The following PRIM1 variants were observed in gnomAD, a reference collection of about 807,000 sequenced individuals.
PRIM1 encodes the protein DNA primase small subunit.
PRIM1 carries 38 observed loss-of-function variants against 60.2 expected under a neutral mutation model. The observed-to-expected ratio is 0.63, with a 90% CI of 0.49 to 0.83. PRIM1 has a LOEUF of 0.83. Among genes scored for constraint, PRIM1 ranks in the 40% least tolerant of loss-of-function variants. PRIM1 has a pLI of 0.00. For missense variants in PRIM1, 388 were observed against 506.2 expected (o/e 0.77, Z 2.24); for synonymous variants, 158 against 160.2 (o/e 0.99, Z 0.10).
intron 11 of PRIM1, among the ~76,000 whole-genome samples, chr12:56,737,832 C>T (rs926377778): frequency 1.3e-5 from 2 of 152,182 alleles, no homozygotes; most frequent in Non-Finnish European, 2.9e-5. Context: ...TCAAGCGATT[C>T]TCCTGACTCA....
Position 56,743,109 on chromosome 12 carries a change from CAAT to C in PRIM1, c.639-16_639-14del. 1 of 1,514,398 alleles carries C rather than the reference CAAT, an allele frequency of 6.6e-7. No individual in the cohort carries two copies. Among genetic ancestry groups the C allele is most frequent in the Non-Finnish European group, 8.8e-7 (1 of 1,136,024 alleles). 93.8% of individuals were successfully genotyped at this position (1,514,398 alleles called of 1,614,324 possible). On this transcript the variant is annotated splice_polypyrimidine_tract_variant and intron_variant, in intron 6 of 12. Transcript: ENST00000338193. ...GTTTATAGATTTTCTGTAAGAACAACAATAACAACAGAGTCCCAACACTATCAG... is the reference window on the plus strand; with the variant it reads ...GTTTATAGATTTTCTGTAAGAACAACAACAACAGAGTCCCAACACTATCAG...
In PRIM1 at chr12:56,751,144, T is replaced by G. The variant is rs1953952120; in HGVS notation, c.155A>C (p.Asp52Ala). The G allele has an allele frequency of 1.9e-6, 3 of 1,573,398 alleles. No individual in the cohort carries two copies. The highest frequency in any genetic ancestry group is 2.7e-5 in the African/African-American group (2 of 74,154). Residue 52 changes from aspartate to alanine, a missense_variant, in exon 2 of 13, where the codon GAT becomes GCT. Physicochemically the swap from Asp to Ala is moderately radical, Grantham distance 126. Coordinates refer to ENST00000338193, the MANE Select transcript of PRIM1 (RefSeq NM_000946.3). ...HREFSFTLKDDIYIRYQSFNN... is the reference protein window; with the variant it reads ...HREFSFTLKDAIYIRYQSFNN... ...GAAGGATTGGTAGCGAATGTAAATA[T>G]CATCTTTCAATGTGAATGAAAATTC...
intron 4 of PRIM1, chr12:56,746,508 G>A (rs1953908057): frequency 5.4e-6 from 3 of 560,102 alleles, no homozygotes; most frequent in African/African-American, 1.9e-5. Flanking sequence ...GCGTGCGCCT[G>A]TAGTCCCAGC....
chr12:56,743,927 A>G, intron 6 of PRIM1, 138 bp downstream of exon 6: 1 of 610,174 alleles, frequency 1.6e-6, no homozygotes, highest in Non-Finnish European at 2.8e-6. Context: ...ACTGCAGCAT[A>G]AAATAGGCAC....
chr12:56,752,062 GGC>G, intron 1 of PRIM1, 132 bp downstream of exon 1: 1 of 539,694 alleles, frequency 1.9e-6, no homozygotes, highest in Non-Finnish European at 3.3e-6. Context: ...TGGTGGGGCG[GGC>G]TCGAGAGAGC....
At position 56,746,850 on chromosome 12, in the gene PRIM1, C is replaced by T; in HGVS notation, c.373G>A (p.Ala125Thr). The change falls in exon 4 of 13, where the codon GCA becomes ACA. Residue 125 changes from alanine to threonine, a missense_variant. Around this residue, in one of 3 missense-constraint regions of PRIM1, gnomAD observed 156 missense variants for 175.8 expected, o/e 0.89. Coordinates refer to ENST00000338193, the MANE Select transcript of PRIM1 (RefSeq NM_000946.3). ...GTCCAGCACTTAGGACATATGTCTG[C>T]AGAACTAAAGCAGAGTCATCATTAC... ...YDDVRRCCSS[A>T]DICPKCWTLM... The T allele has an allele frequency of 1.9e-6, 3 of 1,613,872 alleles. No individual in the cohort carries two copies. Among genetic ancestry groups the T allele is most frequent in the Non-Finnish European group, 1.7e-6 (2 of 1,179,836 alleles).
chr12:56,746,492 G>A (rs564096017), intron 4 of PRIM1: 181 of 555,304 alleles, frequency 3.3e-4, no homozygotes, highest in African/African-American at 2.8e-3. Context: ...TTAACTGGGC[G>A]TGGTGGCGTG....
At chr12:56,750,797 G>A (rs1178764405) in intron 2 of PRIM1, among the ~76,000 whole-genome samples, 1 of 151,900 alleles carries the variant, frequency 6.6e-6, no homozygotes, top group Non-Finnish European at 1.5e-5. Flanking sequence ...CCTCTTCCTA[G>A]TAGCTAGATA....
chr12:56,735,244 G>A (rs1953818501), intron 11 of PRIM1, among the ~76,000 whole-genome samples: 1 of 151,886 alleles, frequency 6.6e-6, no homozygotes, highest in African/African-American at 2.4e-5. Flanking sequence ...GACTATAGGT[G>A]TGTGCCACCA....
Position 56,744,102 on chromosome 12 carries a change from T to C in PRIM1, c.601A>G (p.Lys201Glu), listed in dbSNP as rs1215606630. The change falls in exon 6 of 13, where the codon AAA (lysine) becomes GAA (glutamate). Residue 201 changes from lysine to glutamate, a missense_variant. Coordinates refer to ENST00000338193, the MANE Select transcript of PRIM1 (RefSeq NM_000946.3). ...TGAATTTTTTCACTTAGGTGAACTT[T>C]CTTTTTAACGTCTTGACCACCCTGA... is the stretch of plus-strand genomic sequence containing the variant. ...LVKGGQDVKK[K>E]VHLSEKIHPF... 9 of 1,569,248 alleles carry C rather than the reference T, an allele frequency of 5.7e-6. No homozygotes were observed. The highest frequency in any genetic ancestry group is 3.8e-5 in the Admixed American group (2 of 53,322).
intron 7 of PRIM1, chr12:56,742,081 C>A: frequency 4.3e-6 from 2 of 467,672 alleles, no homozygotes; most frequent in South Asian, 2.1e-5. Context: ...GGTGAAACCC[C>A]ATCTCTACTA....
intron 12 of PRIM1, 85 bp from the exon 13 acceptor site, chr12:56,731,819 G>T: frequency 8.9e-7 from 1 of 1,125,046 alleles, no homozygotes. Flanking sequence ...TTTGCCTAAT[G>T]CTTCTATTTA....
At chr12:56,744,199 A>G (rs766902010) in intron 5 of PRIM1, 76 bp from the exon 6 acceptor site, 2 of 1,127,358 alleles carry the variant, frequency 1.8e-6, no homozygotes, top group Non-Finnish European at 2.6e-6. Flanking sequence ...ACGACATTTT[A>G]GTCATGATGG....
At chr12:56,736,088 G>A (rs1451544234) in intron 11 of PRIM1, among the ~76,000 whole-genome samples, 8 of 151,074 alleles carry the variant, frequency 5.3e-5, no homozygotes, top group African/African-American at 1.7e-4. Flanking sequence ...ACGTGAGGTC[G>A]TGAGTTCGAG....
intron 11 of PRIM1, among the ~76,000 whole-genome samples, chr12:56,737,524 T>G (rs1026815011): frequency 6.6e-6 from 1 of 151,594 alleles, no homozygotes; most frequent in Non-Finnish European, 1.5e-5. Context: ...TAATTCTGTA[T>G]TTTTAGGATA....
chr12:56,744,554 C>T (rs944885157), intron 5 of PRIM1, among the ~76,000 whole-genome samples: 10 of 151,732 alleles, frequency 6.6e-5, no homozygotes, highest in Non-Finnish European at 1.3e-4. Flanking sequence ...TTTACTGTGA[C>T]TTTTCTATGT....
At chr12:56,747,650 G>A (rs2137867932) in intron 2 of PRIM1, among the ~76,000 whole-genome samples, 1 of 152,320 alleles carries the variant, frequency 6.6e-6, no homozygotes, top group East Asian at 1.9e-4. Context: ...GGAAGCTGAA[G>A]CAGGAGTATC....
chr12:56,751,245 C>A, intron 1 of PRIM1, 50 bp from the exon 2 acceptor site: 1 of 1,330,564 alleles, frequency 7.5e-7, no homozygotes, highest in Non-Finnish European at 1.0e-6. Flanking sequence ...TTATTTGGCT[C>A]AGGGCATTAT....
In PRIM1 at chr12:56,745,201, T is replaced by C. The variant is rs1485224334; in HGVS notation, c.579+844A>G. Reference sequence around the variant, plus strand: ...CTGAAGTGGGAGGATAGTTTGAGTTTAGGAGTTCAAGAACACCCTGGGCAA... The same window carrying C: ...CTGAAGTGGGAGGATAGTTTGAGTTCAGGAGTTCAAGAACACCCTGGGCAA... On this transcript the variant is annotated intron_variant, in intron 5 of 12. Transcript: ENST00000338193. 2.6e-5 allele frequency among the ~76,000 whole-genome samples: 4 copies of C among 152,030 alleles called. No homozygotes were observed. The East Asian group carries it at 7.7e-4, about 29-fold the overall frequency.
Sources: allele counts gnomAD v4.1 joint callset (sites outside exome capture counted in the v4.1 genomes callset), GRCh38; gene constraint gnomAD v4.1.1; regional missense constraint gnomAD v4.1.1; transcripts MANE v1.5; gene names NCBI Gene and HGNC (gene_info 2026-07-23, HGNC 2026-07-21).